XPOT: variants seen among roughly 807,000 people sequenced by gnomAD.
XPOT encodes the protein exportin for tRNA.
XPOT carries 34 observed loss-of-function variants against 128.2 expected under a neutral mutation model. The observed-to-expected ratio is 0.27, with a 90% CI of 0.20 to 0.35. XPOT has a LOEUF of 0.35. XPOT is among the 10% of genes least tolerant of loss of function. The pLI is 1.00. For missense variants in XPOT, 838 were observed against 1,125.3 expected, an observed-to-expected ratio of 0.74 and a Z score of 3.65; for synonymous variants, 348 against 394.3, an observed-to-expected ratio of 0.88 and a Z score of 1.39.
rs2040138883 is a variant in XPOT at position 64,421,587 on chromosome 12, T to C, written c.1080+116T>C. 3 of 670,878 alleles carry C rather than the reference T, an allele frequency of 4.5e-6. No homozygotes were observed. The East Asian group carries it at 8.0e-5, about 18-fold the overall frequency. 41.6% of individuals were successfully genotyped at this position (670,878 alleles called of 1,614,324 possible). On this transcript the variant is annotated intron_variant, in intron 9 of 24. Coordinates refer to ENST00000332707, the MANE Select transcript of XPOT (RefSeq NM_007235.6). ...TACCCATAATTCTACTACCTAAAGA[T>C]ATTTACTGTTAAATACTAATGTATT... is the stretch of plus-strand genomic sequence containing the variant.
chr12:64,443,535 A>T (rs1313829315), intron 23 of XPOT, among the ~76,000 whole-genome samples: 1 of 151,846 alleles, frequency 6.6e-6, no homozygotes, highest in Non-Finnish European at 1.5e-5. Flanking sequence ...GCTCACCGCA[A>T]CCTCTGCCTC....
intron 21 of XPOT, 83 bp downstream of exon 21, chr12:64,434,992 G>T: frequency 6.8e-6 from 8 of 1,170,352 alleles, no homozygotes; most frequent in Admixed American, 2.4e-5. Context: ...ATTATATTAT[G>T]TTTCATTGAT....
chr12:64,443,343 G>A (rs2040342187), intron 23 of XPOT: 1 of 152,262 alleles, frequency 6.6e-6, no homozygotes, highest in Non-Finnish European at 1.5e-5. Flanking sequence ...ACACCAAAGA[G>A]AGGTAAGAGA....
At chr12:64,425,788 A>T in intron 14 of XPOT, 27 bp from the exon 15 acceptor site, 1 of 1,605,376 alleles carries the variant, frequency 6.2e-7, no homozygotes, top group Admixed American at 1.7e-5. Flanking sequence ...AAAAATGCAG[A>T]AATAGTAAAA....
chr12:64,416,808 T>A (rs2040091942), intron 4 of XPOT, 54 bp downstream of exon 4: 3 of 1,447,062 alleles, frequency 2.1e-6, no homozygotes, highest in Non-Finnish European at 9.6e-7. Context: ...GTCATTTTTT[T>A]AATTTAATGT....
At chr12:64,447,988 G>A (rs1018381319) in intron 24 of XPOT, 117 bp from the exon 25 acceptor site, 50 of 948,888 alleles carry the variant, frequency 5.3e-5, no homozygotes, top group South Asian at 1.2e-4. Flanking sequence ...TAAGGCATGC[G>A]AAATGTTCTA....
At position 64,409,841 on chromosome 12, in the gene XPOT, C is replaced by T. The variant is rs1263852981; in HGVS notation, c.-74-121C>T. On this transcript the variant is annotated intron_variant, in intron 1 of 24. Coordinates refer to ENST00000332707, the MANE Select transcript of XPOT (RefSeq NM_007235.6). ...CTTTTAGTTGTAATTTAGATAAGTTCCAAAATAAGTTTTTAAACATTTAAG... is the reference window on the plus strand; with the variant it reads ...CTTTTAGTTGTAATTTAGATAAGTTTCAAAATAAGTTTTTAAACATTTAAG... 9.4e-6 allele frequency: 5 copies of T among 530,060 alleles called. No individual in the cohort carries two copies. The East Asian group carries it at 1.2e-4, about 12-fold the overall frequency. 32.8% of individuals were successfully genotyped at this position (530,060 alleles called of 1,614,324 possible).
At chr12:64,412,756 T>G (rs1382128826) in intron 2 of XPOT, among the ~76,000 whole-genome samples, 1 of 152,182 alleles carries the variant, frequency 6.6e-6, no homozygotes, top group Non-Finnish European at 1.5e-5. Flanking sequence ...GGGCTCGGTC[T>G]TACAAACCGC....
chr12:64,422,545 T>C (rs2040148167), intron 9 of XPOT, among the ~76,000 whole-genome samples: 1 of 152,198 alleles, frequency 6.6e-6, no homozygotes, highest in South Asian at 2.1e-4. Context: ...ATATTTTAAA[T>C]ATAGGCAGCT....
chr12:64,409,906 AAGCAT>A (rs2136010135), intron 1 of XPOT, 51 bp from the exon 2 acceptor site: 1 of 718,024 alleles, frequency 1.4e-6, no homozygotes, highest in African/African-American at 1.7e-5. Context: ...TATTCAGGAT[AAGCAT>A]CTATTTGTTT....
chr12:64,432,958 G>A (rs926535003), intron 18 of XPOT, among the ~76,000 whole-genome samples: 1 of 152,004 alleles, frequency 6.6e-6, no homozygotes, highest in Non-Finnish European at 1.5e-5. Context: ...TCCCCACCTT[G>A]AAATGGAGTC....
At chr12:64,422,902 C>CAAAAAA in intron 9 of XPOT, 103 bp from the exon 10 acceptor site, 6 of 869,506 alleles carry the variant, frequency 6.9e-6, no homozygotes, top group African/African-American at 4.5e-5. Context: ...GACCTTGTCT[C>CAAAAAA]AAAAAAAAAA....
chr12:64,427,421 C>G (rs1232277738), intron 15 of XPOT, among the ~76,000 whole-genome samples: 3 of 151,916 alleles, frequency 2.0e-5, no homozygotes, highest in Admixed American at 2.0e-4. Flanking sequence ...GCGCCCAGCC[C>G]CCTTTTTATG....
chr12:64,436,269 A>G (rs2040281412), intron 22 of XPOT, among the ~76,000 whole-genome samples: 1 of 142,112 alleles, frequency 7.0e-6, no homozygotes, highest in African/African-American at 2.7e-5. Context: ...CCTATTTTTT[A>G]TTTATTTACA....
chr12:64,412,826 T>A (rs1173299417), intron 2 of XPOT, among the ~76,000 whole-genome samples: 3 of 152,140 alleles, frequency 2.0e-5, no homozygotes, highest in Non-Finnish European at 2.9e-5. Flanking sequence ...TGGAGTAGCC[T>A]ACAGAACTTA....
At chr12:64,446,621 T>G in intron 24 of XPOT, among the ~76,000 whole-genome samples, 1 of 147,332 alleles carries the variant, frequency 6.8e-6, no homozygotes, top group East Asian at 2.0e-4. Context: ...GTTTGGCACT[T>G]AATTTTTTTT....
At chr12:64,406,418 G>A (rs1051074879) in intron 1 of XPOT, among the ~76,000 whole-genome samples, 2 of 148,906 alleles carry the variant, frequency 1.3e-5, no homozygotes, top group African/African-American at 5.0e-5. Context: ...GACCAGGCTG[G>A]AGTGCGGTGG....
intron 9 of XPOT, among the ~76,000 whole-genome samples, chr12:64,422,208 A>G (rs61931550): frequency 0.13 from 19,399 of 152,232 alleles, 1,377 homozygotes; most frequent in Middle Eastern, 0.22. Flanking sequence ...ATAATTAGTA[A>G]CTTATCAATA....
chr12:64,422,863 ACT>A (rs2040152299), intron 9 of XPOT, 140 bp from the exon 10 acceptor site: 1 of 192,788 alleles, frequency 5.2e-6, no homozygotes, highest in African/African-American at 2.5e-5. Flanking sequence ...TGACTGCGCC[ACT>A]GCACTCCAGC....
Sources: allele counts gnomAD v4.1 joint callset (sites outside exome capture counted in the v4.1 genomes callset), GRCh38; gene constraint gnomAD v4.1.1; transcripts MANE v1.5; gene names NCBI Gene and HGNC (gene_info 2026-07-23, HGNC 2026-07-21).